ERBB4: variants seen among roughly 807,000 people sequenced by gnomAD.
ERBB4 encodes erb-b2 receptor tyrosine kinase 4.
Under a neutral mutation model 158.0 loss-of-function variants are expected in ERBB4, and 42 were observed. The ratio of observed to expected loss-of-function variants is 0.27; its 90% CI spans 0.21 to 0.34. The LOEUF is 0.34. Ranked by LOEUF, ERBB4 falls within the 10% of genes least tolerant of loss-of-function variation. The probability of loss-of-function intolerance (pLI) is 1.00; values close to 1 mark genes in which losing one functional copy is unlikely to be tolerated. For missense variants in ERBB4, 1,333 were observed against 1,624.1 expected (o/e 0.82, Z 3.08); for synonymous variants, 583 against 558.7 (o/e 1.04, Z -0.61).
At chr2:211,407,660 C>A (rs2063173502) in intron 25 of ERBB4, among the ~76,000 whole-genome samples, 1 of 152,188 alleles carries the variant, frequency 6.6e-6, no homozygotes, top group Non-Finnish European at 1.5e-5. Flanking sequence ...TCAGCTTTTG[C>A]TCAAGTGTAA....
chr2:211,556,603 A>G (rs556835739), intron 20 of ERBB4, among the ~76,000 whole-genome samples: 27 of 152,278 alleles, frequency 1.8e-4, no homozygotes, highest in Admixed American at 5.2e-4. Context: ...CACATGGTAC[A>G]TACTCTAAAA....
chr2:211,557,650 G>A (rs2067271996), intron 20 of ERBB4, among the ~76,000 whole-genome samples: 1 of 120,866 alleles, frequency 8.3e-6, no homozygotes, highest in Non-Finnish European at 1.6e-5. Context: ...AAGTGTATAA[G>A]GAACACTTAT....
chr2:212,373,750 C>CAT (rs1242625535), intron 1 of ERBB4, among the ~76,000 whole-genome samples: 1 of 136,452 alleles, frequency 7.3e-6, no homozygotes, highest in Non-Finnish European at 1.6e-5. Flanking sequence ...TATATATATC[C>CAT]ATGTATATAT....
At chr2:211,711,246 T>C (rs71422752) in intron 9 of ERBB4, among the ~76,000 whole-genome samples, 18,127 of 152,184 alleles carry the variant, frequency 0.12, 1,334 homozygotes, top group African/African-American at 0.19. Context: ...TCATAATATG[T>C]CAAATTAGTT....
intron 4 of ERBB4, among the ~76,000 whole-genome samples, chr2:211,773,644 ATATAAT>A (rs2075793660): frequency 1.1e-5 from 1 of 89,554 alleles, no homozygotes; most frequent in African/African-American, 4.3e-5. Flanking sequence ...ATATATATAT[ATATAAT>A]ATATATACAC....
chr2:211,563,797 G>A (rs984607986), intron 19 of ERBB4, among the ~76,000 whole-genome samples: 10 of 152,058 alleles, frequency 6.6e-5, no homozygotes, highest in Middle Eastern at 3.4e-3. Context: ...ATATGTATAC[G>A]TATCTATGTT....
intron 1 of ERBB4, among the ~76,000 whole-genome samples, chr2:212,191,457 C>CCG (rs2082189189): frequency 7.5e-6 from 1 of 133,104 alleles, no homozygotes; most frequent in Non-Finnish European, 1.7e-5. Context: ...CATGTTATAC[C>CCG]TGTTATATAT....
At chr2:211,457,636 T>C (rs2064416154) in intron 20 of ERBB4, among the ~76,000 whole-genome samples, 1 of 152,176 alleles carries the variant, frequency 6.6e-6, no homozygotes, top group Non-Finnish European at 1.5e-5. Flanking sequence ...ATGAGGGTCG[T>C]GGAGGAAGAA....
intron 20 of ERBB4, among the ~76,000 whole-genome samples, chr2:211,496,047 C>T (rs1005391805): frequency 4.6e-5 from 7 of 152,014 alleles, no homozygotes; most frequent in Non-Finnish European, 1.0e-4. Context: ...TCATTCTCTC[C>T]TTCTTGAAAC....
chr2:211,913,813 A>G (rs1291485605), intron 3 of ERBB4, among the ~76,000 whole-genome samples: 1 of 151,874 alleles, frequency 6.6e-6, no homozygotes, highest in African/African-American at 2.4e-5. Flanking sequence ...TATCAATTAG[A>G]AAATAAACAA....
chr2:211,969,452 T>A (rs2081392849), intron 2 of ERBB4, among the ~76,000 whole-genome samples: 1 of 152,062 alleles, frequency 6.6e-6, no homozygotes, highest in Non-Finnish European at 1.5e-5. Context: ...ACATACTTTT[T>A]TTCTTACAAG....
chr2:211,433,713 GA>G (rs1022214956), intron 20 of ERBB4, among the ~76,000 whole-genome samples: 2 of 152,194 alleles, frequency 1.3e-5, no homozygotes, highest in African/African-American at 4.8e-5. Flanking sequence ...CCACAATACA[GA>G]AGCAAGGTGA....
intron 5 of ERBB4, among the ~76,000 whole-genome samples, chr2:211,734,896 A>G (rs906641588): frequency 6.7e-5 from 9 of 135,076 alleles, no homozygotes; most frequent in African/African-American, 2.7e-4. Flanking sequence ...CTGGGCGACA[A>G]GCGAGACTCT....
At chr2:212,537,939 G>A (rs1693190791) in intron 1 of ERBB4, among the ~76,000 whole-genome samples, 1 of 152,170 alleles carries the variant, frequency 6.6e-6, no homozygotes, top group South Asian at 2.1e-4. Context: ...GGGCGACTGG[G>A]GGCGCAGCGG....
intron 5 of ERBB4, among the ~76,000 whole-genome samples, chr2:211,743,939 T>C (rs571946593): frequency 2.5e-4 from 38 of 152,338 alleles, no homozygotes; most frequent in African/African-American, 8.9e-4. Context: ...CATGGTGCTC[T>C]AACATCCAGA....
chr2:211,994,212 C>G (rs890462827), intron 2 of ERBB4, among the ~76,000 whole-genome samples: 1 of 151,984 alleles, frequency 6.6e-6, no homozygotes, highest in South Asian at 2.1e-4. Flanking sequence ...TTCACTGCAG[C>G]CTCAAACTCC....
At chr2:211,731,587 T>G (rs759473661) in intron 5 of ERBB4, among the ~76,000 whole-genome samples, 1 of 152,118 alleles carries the variant, frequency 6.6e-6, no homozygotes, top group African/African-American at 2.4e-5. Flanking sequence ...GCTTTAGACA[T>G]CCACTTAATT....
chr2:212,121,847 C>T (rs532768945), intron 2 of ERBB4, among the ~76,000 whole-genome samples: 83 of 152,120 alleles, frequency 5.5e-4, no homozygotes, highest in African/African-American at 1.9e-3. Context: ...ATTGAAATGC[C>T]CTTCTCTTAC....
At chr2:211,721,429 T>C (rs1185156917) in intron 7 of ERBB4, among the ~76,000 whole-genome samples, 5 of 64,532 alleles carry the variant, frequency 7.7e-5, no homozygotes, top group Non-Finnish European at 1.4e-4. Flanking sequence ...AAATGTCCCA[T>C]TGGTTACTCA....
Sources: gnomAD v4.1 joint callset for allele counts (sites outside exome capture counted in the v4.1 genomes callset) on GRCh38, gnomAD v4.1.1 for gene constraint, MANE v1.5 for transcripts, NCBI Gene and HGNC (gene_info 2026-07-23, HGNC 2026-07-21) for gene names.